Variants in AMZ1 observed in about 807,000 individuals in gnomAD.
AMZ1 encodes the protein archaelysin family metallopeptidase 1.
Under a neutral mutation model 29.9 loss-of-function variants are expected in AMZ1, and 39 were observed. That is an observed-to-expected ratio of 1.30 (90% CI 1.01 to 1.70). AMZ1 has a LOEUF of 1.70. Ranked by LOEUF, AMZ1 falls within the 40% of genes most tolerant of loss-of-function variation. The pLI is 0.00. For missense variants in AMZ1, 1,041 were observed against 680.6 expected (o/e 1.53, Z -5.89); for synonymous variants, 458 against 304.0 (o/e 1.51, Z -5.27).
intron 1 of AMZ1, among the ~76,000 whole-genome samples, chr7:2,688,914 A>C (rs183166486): frequency 1.1e-3 from 169 of 152,356 alleles, no homozygotes; most frequent in African/African-American, 3.9e-3. Context: ...TACAAAGGAC[A>C]GGGGAGGGCA....
intron 4 of AMZ1, among the ~76,000 whole-genome samples, chr7:2,753,505 G>A (rs956857771): frequency 1.3e-5 from 2 of 152,160 alleles, no homozygotes; most frequent in African/African-American, 2.4e-5. Context: ...TCACACTGTT[G>A]CATCTGTCAG....
intron 4 of AMZ1, among the ~76,000 whole-genome samples, chr7:2,744,486 C>A (rs1362588095): frequency 6.6e-6 from 1 of 152,174 alleles, no homozygotes; most frequent in Non-Finnish European, 1.5e-5. Context: ...AACTAACAAA[C>A]AGGAAGGACA....
intron 4 of AMZ1, among the ~76,000 whole-genome samples, chr7:2,746,099 TAGAC>T (rs1264479468): frequency 6.6e-6 from 1 of 152,082 alleles, no homozygotes; most frequent in Non-Finnish European, 1.5e-5. Context: ...CTGTCAACAT[TAGAC>T]AGATCAACGA....
chr7:2,687,663 A>T (rs1055924991), upstream of AMZ1, among the ~76,000 whole-genome samples: 1 of 152,038 alleles, frequency 6.6e-6, no homozygotes, highest in Admixed American at 6.6e-5. Context: ...AGGGCCACTG[A>T]CTGTAGGGCT....
rs1789274788 is a variant in AMZ1, at chr7:2,718,683, A to T, written c.*5805A>T. The stretch of plus-strand genomic sequence containing the variant: ...TCACCATTTCTTCCAACACTTTCTC[A>T]CGTAGGAGCTCCACTGTCCCTTCTA... On this transcript the variant is annotated 3_prime_UTR_variant, in exon 7 of 7. Coordinates refer to ENST00000683327, the MANE Select transcript of AMZ1 (RefSeq NM_001384743.1). Among the ~76,000 whole-genome samples, 1 of 152,072 alleles carries T rather than the reference A, an allele frequency of 6.6e-6. No homozygotes were observed. The highest frequency in any genetic ancestry group is 1.5e-5 in the Non-Finnish European group (1 of 68,002).
At chr7:2,749,395 G>C (rs1420082997) in intron 4 of AMZ1, among the ~76,000 whole-genome samples, 4 of 151,770 alleles carry the variant, frequency 2.6e-5, no homozygotes, top group Non-Finnish European at 5.9e-5. Context: ...ATCATTGTCA[G>C]CAAACTATTG....
chr7:2,721,116 C>A (rs798549), downstream of AMZ1, among the ~76,000 whole-genome samples: 116,163 of 152,154 alleles, frequency 0.76, 45,256 homozygotes, highest in African/African-American at 0.9. Flanking sequence ...CTATTGAAGA[C>A]ACACTGGGTG....
In AMZ1 at chr7:2,709,210, G is replaced by C. The variant is rs75195869; in HGVS notation, c.737G>C (p.Cys246Ser). 1.1e-3 allele frequency: 1,640 copies of C among 1,512,872 alleles called. 12 individuals are homozygous for C. In the African/African-American group the frequency reaches 0.02, roughly 19 times the overall value. The allele number at this position is 1,512,872 out of a possible 1,614,324, so 93.7% of individuals were successfully genotyped here. The change falls in exon 5 of 7, where the codon TGC becomes TCC. Residue 246 changes from cysteine to serine, a missense_variant. Cys to Ser is a moderately radical substitution (Grantham distance 112). Transcript: ENST00000683327. ...CTGCAGGACAGGGGCTGGGCCCTGT[G>C]CTTCAGTGCCCTGGGGATGGTTCAG... ...APLQDRGWAL[C>S]FSALGMVQCC... is the part of the protein sequence containing the mutation.
At chr7:2,756,007 A>C (rs1479706485) in intron 4 of AMZ1, among the ~76,000 whole-genome samples, 2 of 152,250 alleles carry the variant, frequency 1.3e-5, no homozygotes, top group Non-Finnish European at 2.9e-5. Flanking sequence ...CCACAGAATA[A>C]CAAACCATTT....
intron 1 of AMZ1, among the ~76,000 whole-genome samples, chr7:2,696,605 C>T (rs1031845572): frequency 1.3e-5 from 2 of 151,568 alleles, no homozygotes; most frequent in Non-Finnish European, 2.9e-5. Context: ...CCAGGGCTGG[C>T]CGGGCACGGT....
chr7:2,744,794 C>G (rs2115341207), intron 4 of AMZ1, among the ~76,000 whole-genome samples: 1 of 152,174 alleles, frequency 6.6e-6, no homozygotes. Context: ...AAATGGATAA[C>G]TAGAATAACC....
intron 1 of AMZ1, among the ~76,000 whole-genome samples, chr7:2,693,802 G>A (rs185179961): frequency 6.6e-6 from 1 of 152,122 alleles, no homozygotes; most frequent in Admixed American, 6.5e-5. Flanking sequence ...TGATCCGCTC[G>A]CCTCGGCCTC....
At chr7:2,756,291 A>G (rs545862081) in intron 4 of AMZ1, among the ~76,000 whole-genome samples, 20 of 152,320 alleles carry the variant, frequency 1.3e-4, no homozygotes, top group Middle Eastern at 3.4e-3. Context: ...AAAATCAAAA[A>G]AGGACATTGA....
At chr7:2,685,852 C>G (rs1198253867), upstream of AMZ1, among the ~76,000 whole-genome samples, 2 of 82,876 alleles carry the variant, frequency 2.4e-5, no homozygotes, top group African/African-American at 1.0e-4. Context: ...GACTCCGTCT[C>G]AAGAAAAAAA....
At position 2,702,503 on chromosome 7, in the gene AMZ1, A is replaced by G. The variant is rs904114159; in HGVS notation, c.305-219A>G. On this transcript the variant is annotated intron_variant, in intron 2 of 6. Coordinates refer to ENST00000683327, the MANE Select transcript of AMZ1 (RefSeq NM_001384743.1). ...ATGCGATTGTCACTGCTGTCCTTTC[A>G]TCTGTGCATGAATCTTTCCTCTGTG... 8.2e-5 allele frequency: 47 copies of G among 570,198 alleles called. No individual in the cohort carries two copies. In the Middle Eastern group the frequency reaches 3.6e-3, roughly 44 times the overall value. 35.3% of individuals were successfully genotyped at this position (570,198 alleles called of 1,614,324 possible).
chr7:2,716,888 C>T lies in AMZ1; in HGVS notation c.*4010C>T, dbSNP rs1789153915. On this transcript the variant is annotated 3_prime_UTR_variant, in exon 7 of 7. Transcript: ENST00000683327. Reference sequence around the variant, plus strand: ...GCTGTCGAGATGGGACTGGGAAGGGCTGGAGCCTCAGAAACGGCAGAGCGG... The same window carrying T: ...GCTGTCGAGATGGGACTGGGAAGGGTTGGAGCCTCAGAAACGGCAGAGCGG... 6.6e-6 allele frequency among the ~76,000 whole-genome samples: 1 copy of T among 152,232 alleles called. No individual in the cohort carries two copies. Among genetic ancestry groups the T allele is most frequent in the Non-Finnish European group, 1.5e-5 (1 of 68,038 alleles).
chr7:2,758,334 C>T (rs1041778566), intron 4 of AMZ1, among the ~76,000 whole-genome samples: 1 of 152,168 alleles, frequency 6.6e-6, no homozygotes, highest in African/African-American at 2.4e-5. Flanking sequence ...CAAGTGATGA[C>T]ATCCTCATAC....
At chr7:2,694,865 G>C (rs1253934915) in intron 1 of AMZ1, among the ~76,000 whole-genome samples, 1 of 151,916 alleles carries the variant, frequency 6.6e-6, no homozygotes, top group Non-Finnish European at 1.5e-5. Flanking sequence ...TAGAGACAGG[G>C]TTTCACCATG....
intron 4 of AMZ1, among the ~76,000 whole-genome samples, chr7:2,743,809 G>C (rs1214989943): frequency 6.6e-6 from 1 of 152,044 alleles, no homozygotes; most frequent in African/African-American, 2.4e-5. Context: ...CTGGAAAATT[G>C]GGTCACTCCC....
Sources: gnomAD v4.1 joint callset for allele counts (sites outside exome capture counted in the v4.1 genomes callset) on GRCh38, gnomAD v4.1.1 for gene constraint, MANE v1.5 for transcripts, NCBI Gene and HGNC (gene_info 2026-07-23, HGNC 2026-07-21) for gene names.